Variants in NEGR1 observed in about 807,000 individuals in gnomAD.
The protein encoded by NEGR1 is neuronal growth regulator 1, also known as IgLON family member 4.
NEGR1 carries 10 observed loss-of-function variants against 40.9 expected under a neutral mutation model. The observed-to-expected ratio is 0.24, with a 90% CI of 0.15 to 0.42. NEGR1 has a LOEUF of 0.42. Among genes scored for constraint, NEGR1 ranks in the 10% least tolerant of loss-of-function variants. The pLI is 1.00. For synonymous variants in NEGR1, 185 were observed against 166.8 expected, an observed-to-expected ratio of 1.11 and a Z score of -0.84; for missense variants, 352 against 438.9, an observed-to-expected ratio of 0.80 and a Z score of 1.77.
At chr1:72,272,918 G>T (rs977302761) in intron 1 of NEGR1, among the ~76,000 whole-genome samples, 1 of 151,906 alleles carries the variant, frequency 6.6e-6, no homozygotes, top group Admixed American at 6.6e-5. Context: ...ATTTAATTCT[G>T]GCAACACTGC....
At chr1:71,443,300 C>T (rs1371803908) in intron 6 of NEGR1, among the ~76,000 whole-genome samples, 2 of 152,060 alleles carry the variant, frequency 1.3e-5, no homozygotes, top group Non-Finnish European at 2.9e-5. Flanking sequence ...CTTTGTTGAC[C>T]TCGCTAGATC....
At chr1:71,700,300 G>A (rs1653645338) in intron 3 of NEGR1, among the ~76,000 whole-genome samples, 1 of 151,878 alleles carries the variant, frequency 6.6e-6, no homozygotes, top group Admixed American at 6.6e-5. Context: ...AGAGCCCAGT[G>A]ACACATATGA....
chr1:71,477,121 T>A (rs192222770), intron 6 of NEGR1, among the ~76,000 whole-genome samples: 1 of 152,296 alleles, frequency 6.6e-6, no homozygotes, highest in East Asian at 1.9e-4. Context: ...AGTATTTTGA[T>A]GAATATTCCA....
intron 1 of NEGR1, among the ~76,000 whole-genome samples, chr1:72,081,849 C>T (rs1340765831): frequency 6.6e-6 from 1 of 152,058 alleles, no homozygotes; most frequent in Non-Finnish European, 1.5e-5. Flanking sequence ...CCCTCCCTGA[C>T]ACCTCTTAGC....
At chr1:71,611,183 A>T (rs972008737) in intron 4 of NEGR1, 37 bp from the exon 5 acceptor site, 8 of 1,582,154 alleles carry the variant, frequency 5.1e-6, no homozygotes, top group Non-Finnish European at 6.9e-6. Flanking sequence ...CTAGTAGATA[A>T]GTAAAAATAA....
intron 1 of NEGR1, among the ~76,000 whole-genome samples, chr1:71,975,378 T>TA (rs1442232967): frequency 1.3e-5 from 2 of 152,150 alleles, no homozygotes; most frequent in African/African-American, 2.4e-5. Flanking sequence ...CTAAGGATAT[T>TA]AAAAAATACT....
intron 3 of NEGR1, among the ~76,000 whole-genome samples, chr1:71,765,394 T>G (rs1358202370): frequency 6.6e-6 from 1 of 152,194 alleles, no homozygotes; most frequent in Admixed American, 6.5e-5. Context: ...CAAGAGTTTG[T>G]TGAATCTCAA....
intron 2 of NEGR1, among the ~76,000 whole-genome samples, chr1:71,902,570 G>A (rs975968323): frequency 2.6e-5 from 4 of 151,982 alleles, no homozygotes; most frequent in African/African-American, 7.3e-5. Context: ...TCAGGACTTC[G>A]GCGCCATTTA....
intron 1 of NEGR1, among the ~76,000 whole-genome samples, chr1:72,111,319 T>C (rs1649363347): frequency 1.3e-5 from 2 of 151,798 alleles, no homozygotes; most frequent in South Asian, 4.2e-4. Flanking sequence ...CAGCTAGAGA[T>C]AAAGAGTATT....
At chr1:71,608,085 T>C (rs1381524540) in intron 5 of NEGR1, among the ~76,000 whole-genome samples, 1 of 152,234 alleles carries the variant, frequency 6.6e-6, no homozygotes, top group Non-Finnish European at 1.5e-5. Flanking sequence ...ATCCTTCTTT[T>C]TCCTACTCCC....
intron 1 of NEGR1, among the ~76,000 whole-genome samples, chr1:71,975,792 T>C (rs1646297587): frequency 6.6e-6 from 1 of 152,226 alleles, no homozygotes; most frequent in Admixed American, 6.5e-5. Context: ...ACAAAAACTT[T>C]AGATAAAATA....
intron 6 of NEGR1, among the ~76,000 whole-genome samples, chr1:71,545,436 C>T (rs1409492876): frequency 6.6e-6 from 1 of 151,650 alleles, no homozygotes; most frequent in African/African-American, 2.4e-5. Context: ...GAAGCCAATG[C>T]CCTTTGCTGA....
intron 2 of NEGR1, among the ~76,000 whole-genome samples, chr1:71,791,560 T>G (rs1657119168): frequency 6.6e-6 from 1 of 152,132 alleles, no homozygotes; most frequent in African/African-American, 2.4e-5. Flanking sequence ...TTTAAAGTTA[T>G]TCATTTCATA....
At chr1:72,069,284 TA>T (rs1411692225) in intron 1 of NEGR1, among the ~76,000 whole-genome samples, 1 of 151,058 alleles carries the variant, frequency 6.6e-6, no homozygotes, top group East Asian at 2.0e-4. Flanking sequence ...AACAAACAAA[TA>T]AAAAAACTCA....
intron 3 of NEGR1, among the ~76,000 whole-genome samples, chr1:71,773,760 GA>G (rs1300238445): frequency 6.6e-6 from 1 of 152,052 alleles, no homozygotes; most frequent in African/African-American, 2.4e-5. Flanking sequence ...GGCAGAATCA[GA>G]AAAACAAATC....
At chr1:71,945,973 A>G (rs1646014770) in intron 1 of NEGR1, among the ~76,000 whole-genome samples, 1 of 152,194 alleles carries the variant, frequency 6.6e-6, no homozygotes, top group Non-Finnish European at 1.5e-5. Context: ...GTGAATTTCT[A>G]TATAGAGACT....
At chr1:71,423,261 G>A (rs1646409227) in intron 6 of NEGR1, among the ~76,000 whole-genome samples, 1 of 151,960 alleles carries the variant, frequency 6.6e-6, no homozygotes, top group Non-Finnish European at 1.5e-5. Flanking sequence ...GATATGTGTT[G>A]GCATATGCCT....
chr1:71,906,030 G>C (rs1158100723), intron 2 of NEGR1, among the ~76,000 whole-genome samples: 1 of 152,040 alleles, frequency 6.6e-6, no homozygotes, highest in East Asian at 1.9e-4. Flanking sequence ...ATCAAAATAA[G>C]GCAAATGGCT....
At chr1:71,851,308 C>G (rs1659593234) in intron 2 of NEGR1, among the ~76,000 whole-genome samples, 1 of 151,966 alleles carries the variant, frequency 6.6e-6, no homozygotes, top group Non-Finnish European at 1.5e-5. Flanking sequence ...ACAAATACAT[C>G]CTAGGTATGT....
Sources: gnomAD v4.1 joint callset for allele counts (sites outside exome capture counted in the v4.1 genomes callset) on GRCh38, gnomAD v4.1.1 for gene constraint, MANE v1.5 for transcripts, NCBI Gene and HGNC (gene_info 2026-07-23, HGNC 2026-07-21) for gene names.